Variants in PPARGC1A observed in about 807,000 individuals in gnomAD.
PPARGC1A encodes the protein PPARG coactivator 1 alpha, also known as peroxisome proliferator-activated receptor gamma coactivator 1-alpha.
Under a neutral mutation model 88.7 loss-of-function variants are expected in PPARGC1A, and 25 were observed. The ratio of observed to expected loss-of-function variants is 0.28; its 90% CI spans 0.21 to 0.39. The LOEUF (loss-of-function observed/expected upper bound fraction) is 0.39, where lower values mean the gene tolerates loss of function less well. Among genes scored for constraint, PPARGC1A ranks in the 10% least tolerant of loss-of-function variants. The pLI, the probability that PPARGC1A is intolerant of heterozygous loss-of-function variation, is 1.00. For synonymous variants in PPARGC1A, 363 were observed against 355.6 expected, an observed-to-expected ratio of 1.02 and a Z score of -0.24; for missense variants, 880 against 968.7, an observed-to-expected ratio of 0.91 and a Z score of 1.22.
At chr4:23,796,403 C>T (rs1335704535) in intron 12 of PPARGC1A, among the ~76,000 whole-genome samples, 1 of 152,188 alleles carries the variant, frequency 6.6e-6, no homozygotes, top group Non-Finnish European at 1.5e-5. Flanking sequence ...CAGGAGGGGA[C>T]ATATGATGTG....
chr4:24,387,938 A>AAGAAAGAAAGAT, the PPARGC1A span, among the ~76,000 whole-genome samples: 46 of 115,024 alleles, frequency 4.0e-4, 1 homozygote, highest in African/African-American at 1.8e-3. Context: ...AAGAAAGAGA[A>AAGAAAGAAAGAT]AGAAAGAAAG....
the PPARGC1A span, among the ~76,000 whole-genome samples, chr4:24,423,921 C>T: frequency 0.013 from 1,952 of 152,224 alleles, 12 homozygotes; most frequent in Admixed American, 0.02. Flanking sequence ...TGGTGGAGAT[C>T]GAAATACCAG....
the PPARGC1A span, among the ~76,000 whole-genome samples, chr4:24,204,765 G>A: frequency 6.6e-6 from 1 of 152,116 alleles, no homozygotes; most frequent in African/African-American, 2.4e-5. Context: ...GGGCATTCCT[G>A]TTGAGATAGG....
the PPARGC1A span, among the ~76,000 whole-genome samples, chr4:24,402,228 G>A: frequency 6.6e-6 from 1 of 152,158 alleles, no homozygotes; most frequent in Non-Finnish European, 1.5e-5. Context: ...GTGGACCAAT[G>A]GTTGAGCGGT....
chr4:24,269,449 C>T, the PPARGC1A span, among the ~76,000 whole-genome samples: 2 of 152,084 alleles, frequency 1.3e-5, no homozygotes, highest in Non-Finnish European at 2.9e-5. Flanking sequence ...GTGATTTGTT[C>T]TGAAATGTAT....
chr4:23,950,706 C>T, the PPARGC1A span, among the ~76,000 whole-genome samples: 1 of 152,126 alleles, frequency 6.6e-6, no homozygotes, highest in Non-Finnish European at 1.5e-5. Flanking sequence ...ATCTTTCTTG[C>T]TGTGGACTTG....
the PPARGC1A span, among the ~76,000 whole-genome samples, chr4:24,400,932 A>C: frequency 6.6e-6 from 1 of 151,956 alleles, no homozygotes; most frequent in African/African-American, 2.4e-5. Flanking sequence ...CCAAAGAGGC[A>C]TGATTCAAAG....
intron 2 of PPARGC1A, among the ~76,000 whole-genome samples, chr4:23,840,748 T>A (rs1040384775): frequency 1.3e-5 from 2 of 152,162 alleles, no homozygotes; most frequent in Non-Finnish European, 2.9e-5. Flanking sequence ...AAGAGTCTAA[T>A]CCATCCTGAT....
chr4:24,160,055 G>T, the PPARGC1A span, among the ~76,000 whole-genome samples: 2 of 152,258 alleles, frequency 1.3e-5, no homozygotes, highest in Non-Finnish European at 2.9e-5. Context: ...GAGCACTGTG[G>T]GAAATTCAGT....
chr4:23,848,879 G>A (rs577496578), intron 2 of PPARGC1A, among the ~76,000 whole-genome samples: 3 of 152,022 alleles, frequency 2.0e-5, no homozygotes, highest in Non-Finnish European at 4.4e-5. Context: ...TAAAAATGGA[G>A]ACATCTGTAA....
the PPARGC1A span, among the ~76,000 whole-genome samples, chr4:24,062,919 G>A: frequency 2.0e-5 from 3 of 152,174 alleles, no homozygotes; most frequent in Non-Finnish European, 4.4e-5. Flanking sequence ...GTAGAACTAT[G>A]CTTTATTCCT....
chr4:24,421,144 A>G, the PPARGC1A span, among the ~76,000 whole-genome samples: 1 of 152,042 alleles, frequency 6.6e-6, no homozygotes, highest in Non-Finnish European at 1.5e-5. Flanking sequence ...CTAGATTTAG[A>G]AAAAACAACA....
the PPARGC1A span, among the ~76,000 whole-genome samples, chr4:24,197,086 T>C: frequency 6.6e-6 from 1 of 152,290 alleles, no homozygotes; most frequent in East Asian, 1.9e-4. Flanking sequence ...AGAAATAGAT[T>C]GTTCTTGTTT....
the PPARGC1A span, among the ~76,000 whole-genome samples, chr4:24,259,271 G>A: frequency 4.6e-5 from 7 of 152,122 alleles, no homozygotes; most frequent in African/African-American, 1.4e-4. Context: ...TTCTCCTTAC[G>A]CACCTCTGCA....
chr4:24,387,896 A>G, the PPARGC1A span, among the ~76,000 whole-genome samples: 22 of 107,378 alleles, frequency 2.0e-4, no homozygotes, highest in African/African-American at 5.7e-4. Context: ...GAAAGAAAGA[A>G]AAAGAAAGAG....
the PPARGC1A span, among the ~76,000 whole-genome samples, chr4:24,031,182 G>T: frequency 7.9e-5 from 12 of 152,154 alleles, no homozygotes; most frequent in Non-Finnish European, 8.8e-5. Flanking sequence ...AGTGGTGAGA[G>T]ACTGAATTAA....
chr4:24,328,472 A>C, the PPARGC1A span, among the ~76,000 whole-genome samples: 2 of 152,130 alleles, frequency 1.3e-5, no homozygotes, highest in African/African-American at 4.8e-5. Flanking sequence ...GCACTCAAAG[A>C]CATGTTCCAC....
chr4:24,471,032 C>A, the PPARGC1A span, among the ~76,000 whole-genome samples: 2 of 151,316 alleles, frequency 1.3e-5, no homozygotes, highest in African/African-American at 4.8e-5. The surrounding 1 kb of genome is among the most constrained non-coding windows in gnomAD (Gnocchi z 5.4). Flanking sequence ...GGGAGCGCGC[C>A]AGCGCCGGCG....
chr4:24,402,098 ACT>A, the PPARGC1A span, among the ~76,000 whole-genome samples: 1 of 151,920 alleles, frequency 6.6e-6, no homozygotes, highest in Non-Finnish European at 1.5e-5. Flanking sequence ...GCTGAATAGA[ACT>A]CTATTTGGTT....
Sources: gnomAD v4.1 joint callset for allele counts (sites outside exome capture counted in the v4.1 genomes callset) on GRCh38, gnomAD v4.1.1 for gene constraint, Gnocchi (gnomAD v3.1) non-coding constraint, MANE v1.5 for transcripts, NCBI Gene and HGNC (gene_info 2026-07-23, HGNC 2026-07-21) for gene names.